The following DAP3 variants were observed in gnomAD, a reference collection of about 807,000 sequenced individuals.
DAP3 encodes the protein death associated protein 3, also known as small ribosomal subunit protein mS29.
In DAP3, 28 loss-of-function variants were observed where a neutral mutation model predicts 51.9. The observed-to-expected ratio is 0.54, with a 90% confidence interval of 0.40 to 0.74. The LOEUF (loss-of-function observed/expected upper bound fraction) is 0.74, where lower values mean the gene tolerates loss of function less well. Ranked by LOEUF, DAP3 falls within the 30% of genes least tolerant of loss-of-function variation. The probability of loss-of-function intolerance (pLI) is 0.00; values close to 1 mark genes in which losing one functional copy is unlikely to be tolerated. For missense variants in DAP3, 458 were observed against 483.5 expected (o/e 0.95, Z 0.49); for synonymous variants, 170 against 170.3 (o/e 1.00, Z 0.01).
chr1:155,694,454 G>A (rs116049651), intron 1 of DAP3, among the ~76,000 whole-genome samples: 1,966 of 141,630 alleles, frequency 0.014, 73 homozygotes, highest in Non-Finnish European at 0.019. Flanking sequence ...GGTAATTACC[G>A]CAATCATAGC....
chr1:155,737,291 ACAAAGG>A (rs1295358960), intron 12 of DAP3, among the ~76,000 whole-genome samples: 3 of 152,342 alleles, frequency 2.0e-5, no homozygotes. Context: ...AAAGAAGGGA[ACAAAGG>A]CAACTCCATC....
chr1:155,736,918 A>G (rs759750722), intron 11 of DAP3, 28 bp from the exon 12 acceptor site: 5 of 1,554,742 alleles, frequency 3.2e-6, no homozygotes, highest in Non-Finnish European at 4.4e-6. Context: ...CTTAACTAAC[A>G]TGTTTCCTGA....
In DAP3 at chr1:155,738,350, C is replaced by A; in HGVS notation, c.*108C>A. 2 of 1,231,294 alleles carry A rather than the reference C, an allele frequency of 1.6e-6. No homozygotes were observed. The highest frequency in any genetic ancestry group is 1.3e-5 in the South Asian group (1 of 75,454). 76.3% of individuals were successfully genotyped at this position (1,231,294 alleles called of 1,614,324 possible). On this transcript the variant is annotated 3_prime_UTR_variant, in exon 13 of 13. Coordinates refer to ENST00000368336, the MANE Select transcript of DAP3 (RefSeq NM_004632.4). ...AGGAAGAGGAGCCAGGCCCTTGTAC[C>A]TATGGGATTGGACAGGACTGCAGTT...
chr1:155,710,817 T>C (rs1291900863), intron 2 of DAP3, among the ~76,000 whole-genome samples: 1 of 152,132 alleles, frequency 6.6e-6, no homozygotes, highest in Non-Finnish European at 1.5e-5. Context: ...CTAACCACTG[T>C]GCTCTATTGC....
intron 7 of DAP3, 37 bp downstream of exon 7, chr1:155,727,775 C>T (rs749248689): frequency 6.2e-7 from 1 of 1,604,218 alleles, no homozygotes; most frequent in Non-Finnish European, 8.5e-7. Flanking sequence ...CTAGGTAGTC[C>T]TTACATGGAT....
intron 6 of DAP3, among the ~76,000 whole-genome samples, chr1:155,727,265 T>A (rs1175804663): frequency 6.6e-6 from 1 of 152,094 alleles, no homozygotes; most frequent in East Asian, 1.9e-4. Context: ...AGAAGTGATA[T>A]TTAATACACT....
intron 1 of DAP3, among the ~76,000 whole-genome samples, chr1:155,693,728 G>A (rs918150184): frequency 3.5e-5 from 5 of 141,846 alleles, no homozygotes; most frequent in Admixed American, 6.6e-5. Flanking sequence ...TTGGGAGGCC[G>A]AGGCCGGCAG....
At chr1:155,688,313 C>A, upstream of DAP3, 1 of 1,561,542 alleles carries the variant, frequency 6.4e-7, no homozygotes, top group African/African-American at 1.4e-5. Flanking sequence ...CAAAGCGAAC[C>A]CAAAATGGCG....
At chr1:155,731,578 C>A in intron 10 of DAP3, 163 bp downstream of exon 10, 2 of 703,604 alleles carry the variant, frequency 2.8e-6, no homozygotes, top group Non-Finnish European at 4.6e-6. Context: ...GAAATAAAGT[C>A]TGAATTAAAA....
intron 1 of DAP3, among the ~76,000 whole-genome samples, chr1:155,692,005 T>C (rs562504610): frequency 1.2e-4 from 17 of 141,760 alleles, no homozygotes; most frequent in Admixed American, 2.7e-4. Flanking sequence ...GTACAGTCAC[T>C]TAGATCTAAG....
upstream of DAP3, chr1:155,688,141 C>T: frequency 6.2e-7 from 1 of 1,613,092 alleles, no homozygotes; most frequent in Non-Finnish European, 8.5e-7. Context: ...GGCTCCTCCG[C>T]TTCCCTGGGT....
chr1:155,690,349 C>A (rs1481076044), intron 1 of DAP3, among the ~76,000 whole-genome samples: 2 of 140,684 alleles, frequency 1.4e-5, no homozygotes, highest in Non-Finnish European at 1.5e-5. Flanking sequence ...CCTAGGAGTT[C>A]GAGACCAGCT....
intron 9 of DAP3, 127 bp downstream of exon 9, chr1:155,729,493 T>A (rs1449814511): frequency 7.6e-7 from 1 of 1,307,874 alleles, no homozygotes; most frequent in Non-Finnish European, 1.0e-6. Flanking sequence ...AGATAAACAG[T>A]AAAGAGCTGG....
At chr1:155,738,126 T>C (rs780912273) in intron 12 of DAP3, 31 bp from the exon 13 acceptor site, 1 of 1,610,570 alleles carries the variant, frequency 6.2e-7, no homozygotes, top group Non-Finnish European at 8.5e-7. Flanking sequence ...AGGAGGAAAC[T>C]GCCACTTACC....
intron 1 of DAP3, among the ~76,000 whole-genome samples, chr1:155,707,279 G>A (rs915045090): frequency 1.3e-5 from 2 of 151,536 alleles, no homozygotes; most frequent in East Asian, 1.9e-4. Flanking sequence ...GGGGCGTGGT[G>A]GTGGGCGCCT....
chr1:155,733,808 G>T (rs980176980), intron 11 of DAP3, among the ~76,000 whole-genome samples: 2 of 151,934 alleles, frequency 1.3e-5, no homozygotes, highest in African/African-American at 2.4e-5. Flanking sequence ...TTACACTCCA[G>T]CCTGAGCCAC....
intron 1 of DAP3, among the ~76,000 whole-genome samples, chr1:155,706,768 T>TA (rs1553316040): frequency 1.8e-4 from 27 of 151,016 alleles, no homozygotes; most frequent in South Asian, 4.2e-4. Flanking sequence ...AATAAATAAA[T>TA]AAATAAAATA....
At chr1:155,711,983 T>C (rs377073500) in intron 2 of DAP3, among the ~76,000 whole-genome samples, 2 of 151,418 alleles carry the variant, frequency 1.3e-5, no homozygotes, top group East Asian at 3.9e-4. Flanking sequence ...CTGCCTGCTT[T>C]ATTCTAGCTG....
chr1:155,736,645 G>A, intron 11 of DAP3: 1 of 349,412 alleles, frequency 2.9e-6, no homozygotes, highest in South Asian at 2.8e-5. Flanking sequence ...TGGAACTCCT[G>A]GGCTCAAGCA....
Sources: gnomAD v4.1 joint callset for allele counts (sites outside exome capture counted in the v4.1 genomes callset) on GRCh38, gnomAD v4.1.1 for gene constraint, MANE v1.5 for transcripts, NCBI Gene and HGNC (gene_info 2026-07-23, HGNC 2026-07-21) for gene names.